Variants in KCNA2 observed in about 807,000 individuals in gnomAD.
KCNA2 encodes the protein potassium channel, voltage gated shaker related subfamily A, member 2.
KCNA2 carries 11 observed loss-of-function variants against 33.4 expected under a neutral mutation model. The ratio of observed to expected loss-of-function variants is 0.33; its 90% CI spans 0.21 to 0.55. KCNA2 has a LOEUF of 0.55. Among genes scored for constraint, KCNA2 ranks in the 20% least tolerant of loss-of-function variants. The probability of loss-of-function intolerance (pLI) is 0.93; values close to 1 mark genes in which losing one functional copy is unlikely to be tolerated. For synonymous variants in KCNA2, 222 were observed against 231.3 expected (o/e 0.96, Z 0.37); for missense variants, 291 against 621.6 (o/e 0.47, Z 5.66).
intron 1 of KCNA2, among the ~76,000 whole-genome samples, chr1:110,621,439 A>C (rs1005890586): frequency 1.3e-5 from 2 of 152,212 alleles, no homozygotes; most frequent in Non-Finnish European, 2.9e-5. Flanking sequence ...TTTCCAACTT[A>C]AGAAACTAGA....
Position 110,602,431 on chromosome 1 carries a change from A to C in KCNA2, c.*852T>G. 1 of 1,314,286 alleles carries C rather than the reference A, an allele frequency of 7.6e-7. No homozygotes were observed. The highest frequency in any genetic ancestry group is 9.7e-7 in the Non-Finnish European group (1 of 1,031,776). 81.4% of individuals were successfully genotyped at this position (1,314,286 alleles called of 1,614,324 possible). A position where few individuals can be genotyped will look rare whatever the true frequency, so the allele number is the denominator to read the frequency against. ...TGCAGCTCTATTGCATCACTGGTAAATTTCACTGCAGTGTCAGTGTAGCTG... is the reference window on the plus strand; with the variant it reads ...TGCAGCTCTATTGCATCACTGGTAACTTTCACTGCAGTGTCAGTGTAGCTG... On this transcript the variant is annotated 3_prime_UTR_variant, in exon 3 of 3. Transcript: ENST00000316361.
At chr1:110,627,332 G>A (rs1650423184) in intron 1 of KCNA2, among the ~76,000 whole-genome samples, 1 of 152,186 alleles carries the variant, frequency 6.6e-6, no homozygotes, top group African/African-American at 2.4e-5. Context: ...TCGGCACACC[G>A]CTTGGCACAT....
intron 1 of KCNA2, among the ~76,000 whole-genome samples, chr1:110,612,762 C>T (rs1314645031): frequency 6.6e-6 from 1 of 152,210 alleles, no homozygotes; most frequent in Non-Finnish European, 1.5e-5. Flanking sequence ...GCGAGCAAAG[C>T]CTTTCATGAT....
chr1:110,599,581 C>T lies in KCNA2; in HGVS notation c.*3702G>A, dbSNP rs185349511. 1 of 985,286 alleles carries T rather than the reference C, an allele frequency of 1.0e-6. No individual in the cohort carries two copies. Among genetic ancestry groups the T allele is most frequent in the Admixed American group, 6.1e-5 (1 of 16,262 alleles). 61.0% of individuals were successfully genotyped at this position (985,286 alleles called of 1,614,324 possible). A position where few individuals can be genotyped will look rare whatever the true frequency, so the allele number is the denominator to read the frequency against. The stretch of plus-strand genomic sequence containing the variant: ...AAATGCCACAAGCAAGTAAAGGTGG[C>T]TCATTTTAAGAGACAGGTCTCTATA... On this transcript the variant is annotated 3_prime_UTR_variant, in exon 3 of 3. Transcript: ENST00000316361.
intron 1 of KCNA2, among the ~76,000 whole-genome samples, chr1:110,620,337 G>T (rs1333292699): frequency 6.6e-6 from 1 of 152,156 alleles, no homozygotes; most frequent in Non-Finnish European, 1.5e-5. Context: ...GGAACTCACT[G>T]ATCACCGCCC....
Position 110,597,651 on chromosome 1 carries a change from G to C in KCNA2, c.*5632C>G. 1.0e-6 allele frequency: 1 copy of C among 985,382 alleles called. No homozygotes were observed. Among genetic ancestry groups the C allele is most frequent in the Non-Finnish European group, 1.2e-6 (1 of 829,936 alleles). The allele number at this position is 985,382 out of a possible 1,614,324, so 61.0% of individuals were successfully genotyped here. On this transcript the variant is annotated 3_prime_UTR_variant, in exon 3 of 3. Transcript: ENST00000316361. ...AGGACAGGAGTCATGTGAACACGTG[G>C]GAAGAAGAAGAAACTACAGAGACTG... is the stretch of plus-strand genomic sequence containing the variant.
intron 1 of KCNA2, among the ~76,000 whole-genome samples, chr1:110,630,052 G>A (rs1029736092): frequency 1.7e-5 from 2 of 119,202 alleles, no homozygotes; most frequent in Admixed American, 1.0e-4. Context: ...TTTTGCTCTT[G>A]TTGTCCAGGC....
rs928222605 is a variant in KCNA2, at chr1:110,596,048, T to C, written c.*7235A>G. On this transcript the variant is annotated 3_prime_UTR_variant, in exon 3 of 3. Transcript: ENST00000316361. ...AAAGCACCTGGCTGTTAGATCAGAC[T>C]TCCCTTTTATCCCTGAGTCAGGCAG... The C allele has an allele frequency of 1.0e-6, 1 of 985,436 alleles. No individual in the cohort carries two copies. The highest frequency in any genetic ancestry group is 1.2e-6 in the Non-Finnish European group (1 of 829,940). 61.0% of individuals were successfully genotyped at this position (985,436 alleles called of 1,614,324 possible).
rs539506005 is a variant in KCNA2, at chr1:110,621,952, A to G, written c.-496+9443T>C. Among the ~76,000 whole-genome samples the G allele has an allele frequency of 5.9e-5, 9 of 152,318 alleles. No homozygotes were observed. In the South Asian group the frequency reaches 1.7e-3, roughly 28 times the overall value. On this transcript the variant is annotated intron_variant, in intron 1 of 4. Coordinates refer to the KCNA2 transcript ENST00000369770. ...ATGTTTAAGGAAGAAATAATTCTAC[A>G]CAAATTCTTTTAGAAAATGGAAAAG...
upstream of KCNA2, among the ~76,000 whole-genome samples, chr1:110,610,911 C>T (rs55658500): frequency 0.17 from 26,598 of 152,020 alleles, 3,341 homozygotes; most frequent in East Asian, 0.37. Flanking sequence ...GTGGTCTGTG[C>T]GACCCAAGCT....
chr1:110,624,821 T>A (rs1042857756), intron 1 of KCNA2, among the ~76,000 whole-genome samples: 3 of 152,240 alleles, frequency 2.0e-5, no homozygotes, highest in African/African-American at 7.2e-5. Flanking sequence ...AATTCAGGAC[T>A]ATTTTGTAAG....
intron 1 of KCNA2, among the ~76,000 whole-genome samples, chr1:110,625,140 G>A (rs1221446255): frequency 6.6e-6 from 1 of 152,178 alleles, no homozygotes; most frequent in African/African-American, 2.4e-5. Context: ...GCATTCTAAC[G>A]GGTCTGCTAC....
At position 110,602,446 on chromosome 1, in the gene KCNA2, C is replaced by T; in HGVS notation, c.*837G>A. On this transcript the variant is annotated 3_prime_UTR_variant, in exon 3 of 3. Coordinates refer to ENST00000316361, the MANE Select transcript of KCNA2 (RefSeq NM_004974.4). ...TCACTGGTAAATTTCACTGCAGTGTCAGTGTAGCTGGGCCACATCAGTGGG... is the reference window on the plus strand; with the variant it reads ...TCACTGGTAAATTTCACTGCAGTGTTAGTGTAGCTGGGCCACATCAGTGGG... 1.5e-6 allele frequency: 2 copies of T among 1,290,802 alleles called. No individual in the cohort carries two copies. Among genetic ancestry groups the T allele is most frequent in the Non-Finnish European group, 2.0e-6 (2 of 1,017,280 alleles). 80.0% of individuals were successfully genotyped at this position (1,290,802 alleles called of 1,614,324 possible).
chr1:110,595,580 A>G lies in KCNA2; in HGVS notation c.*7703T>C, dbSNP rs182351976. The stretch of plus-strand genomic sequence containing the variant: ...GTCAAATGCAAGAGGTGAGGCTGAG[A>G]GAAACTGTCTTCCATGGATCTAACA... On this transcript the variant is annotated 3_prime_UTR_variant, in exon 3 of 3. Coordinates refer to ENST00000316361, the MANE Select transcript of KCNA2 (RefSeq NM_004974.4). The G allele has an allele frequency of 3.3e-5, 33 of 985,490 alleles. No homozygotes were observed. In the African/African-American group the frequency reaches 5.4e-4, roughly 16 times the overall value. The allele number at this position is 985,490 out of a possible 1,614,324, so 61.0% of individuals were successfully genotyped here.
rs1649495668 is a variant in KCNA2 at position 110,604,261 on chromosome 1, C to G, written c.522G>C (p.Leu174=). Residue 174 remains leucine (L), a synonymous_variant, in exon 3 of 3, where the codon CTG becomes CTC. Transcript: ENST00000316361. The surrounding 1 kb of genome is among the most constrained non-coding windows in gnomAD (Gnocchi z 7.6). ...CCAGACAGAAGCTGACAATTGAGATCAGAATCACCATGACAGACACAATAG... is the reference window on the plus strand; with the variant it reads ...CCAGACAGAAGCTGACAATTGAGATGAGAATCACCATGACAGACACAATAG... ...IIAIVSVMVI[L]ISIVSFCLET... The G allele has an allele frequency of 6.2e-7, 1 of 1,614,144 alleles. No individual in the cohort carries two copies. The highest frequency in any genetic ancestry group is 1.3e-5 in the African/African-American group (1 of 75,018).
At chr1:110,627,078 C>G (rs566660176) in intron 1 of KCNA2, among the ~76,000 whole-genome samples, 2 of 152,202 alleles carry the variant, frequency 1.3e-5, no homozygotes, top group Non-Finnish European at 2.9e-5. Flanking sequence ...CTGTTTCACA[C>G]ACACAGGAAA....
chr1:110,597,682 G>A lies in KCNA2; in HGVS notation c.*5601C>T. Reference sequence around the variant, plus strand: ...AGAAGAAACTACAGAGACTGTGAATGAGCCCCCAGAAGTCAAGGGCATTAT... The same window carrying A: ...AGAAGAAACTACAGAGACTGTGAATAAGCCCCCAGAAGTCAAGGGCATTAT... On this transcript the variant is annotated 3_prime_UTR_variant, in exon 3 of 3. Coordinates refer to ENST00000316361, the MANE Select transcript of KCNA2 (RefSeq NM_004974.4). 1.0e-6 allele frequency: 1 copy of A among 985,440 alleles called. No individual in the cohort carries two copies. The highest frequency in any genetic ancestry group is 1.2e-6 in the Non-Finnish European group (1 of 829,948). 61.0% of individuals were successfully genotyped at this position (985,440 alleles called of 1,614,324 possible). A position where few individuals can be genotyped will look rare whatever the true frequency, so the allele number is the denominator to read the frequency against.
In KCNA2 at chr1:110,596,360, A is replaced by T; in HGVS notation, c.*6923T>A. 2.9e-6 allele frequency: 1 copy of T among 346,464 alleles called. No individual in the cohort carries two copies. The highest frequency in any genetic ancestry group is 4.0e-6 in the Non-Finnish European group (1 of 247,020). The allele number at this position is 346,464 out of a possible 1,614,324, so 21.5% of individuals were successfully genotyped here. Reference sequence around the variant, plus strand: ...CTATATATATATATATACACACATAAATATATGTATATATGGAAAACCTCT... The same window carrying T: ...CTATATATATATATATACACACATATATATATGTATATATGGAAAACCTCT... On this transcript the variant is annotated 3_prime_UTR_variant, in exon 3 of 3. Coordinates refer to ENST00000316361, the MANE Select transcript of KCNA2 (RefSeq NM_004974.4).
chr1:110,628,451 G>A (rs1189138139), intron 1 of KCNA2, among the ~76,000 whole-genome samples: 2 of 152,138 alleles, frequency 1.3e-5, no homozygotes, highest in Non-Finnish European at 2.9e-5. Flanking sequence ...GTATTCCACT[G>A]GTTTCCACTT....
Sources: gnomAD v4.1 joint callset for allele counts (sites outside exome capture counted in the v4.1 genomes callset) on GRCh38, gnomAD v4.1.1 for gene constraint, Gnocchi (gnomAD v3.1) non-coding constraint, MANE v1.5 for transcripts, NCBI Gene and HGNC (gene_info 2026-07-23, HGNC 2026-07-21) for gene names.